TGFBR3: variants seen among roughly 807,000 people sequenced by gnomAD.
TGFBR3 encodes transforming growth factor beta receptor 3.
A neutral mutation model predicts 87.9 loss-of-function variants in TGFBR3; 46 were observed. The observed-to-expected ratio is 0.52, with a 90% CI of 0.41 to 0.67. The LOEUF (loss-of-function observed/expected upper bound fraction) is 0.67. Among genes scored for constraint, TGFBR3 ranks in the 30% least tolerant of loss-of-function variants. The pLI, the probability that TGFBR3 is intolerant of heterozygous loss-of-function variation, is 0.00. For missense variants in TGFBR3, 866 were observed against 1,041.9 expected, an observed-to-expected ratio of 0.83 and a Z score of 2.32; for synonymous variants, 381 against 391.6, an observed-to-expected ratio of 0.97 and a Z score of 0.32.
At chr1:91,697,921 A>G (rs7548904) in intron 15 of TGFBR3, among the ~76,000 whole-genome samples, 168 bp downstream of exon 15, 7,479 of 152,214 alleles carry the variant, frequency 0.049, 607 homozygotes, top group African/African-American at 0.17. Context: ...AACAAAGGAC[A>G]GAGGAAAGGA....
intron 1 of TGFBR3, among the ~76,000 whole-genome samples, chr1:91,873,836 G>C (rs1482052939): frequency 6.6e-6 from 1 of 152,096 alleles, no homozygotes; most frequent in African/African-American, 2.4e-5. Context: ...TGTAATCCCA[G>C]CTACTTGGGA....
chr1:91,855,895 T>C (rs1411312400), intron 2 of TGFBR3, among the ~76,000 whole-genome samples: 3 of 151,908 alleles, frequency 2.0e-5, no homozygotes, highest in Admixed American at 6.6e-5. Flanking sequence ...AAATCTCTTG[T>C]ATTTATTCTC....
At chr1:91,878,623 G>A (rs540387139) in intron 1 of TGFBR3, among the ~76,000 whole-genome samples, 3 of 152,124 alleles carry the variant, frequency 2.0e-5, no homozygotes, top group Non-Finnish European at 4.4e-5. Flanking sequence ...GCAGACCTTC[G>A]CCCAAGGCAA....
chr1:91,840,149 T>TA (rs779696669), intron 2 of TGFBR3, among the ~76,000 whole-genome samples: 134 of 140,072 alleles, frequency 9.6e-4, no homozygotes, highest in East Asian at 1.2e-3. Context: ...ATCTCTACTT[T>TA]AAAAAAAAAA....
chr1:91,866,657 G>C (rs145584482), intron 1 of TGFBR3: 4 of 152,038 alleles, frequency 2.6e-5, no homozygotes, highest in African/African-American at 9.7e-5. Flanking sequence ...CATGTTTTTT[G>C]CCCTTGTGGG....
At chr1:91,697,137 G>A (rs911173637) in intron 15 of TGFBR3, among the ~76,000 whole-genome samples, 4 of 152,180 alleles carry the variant, frequency 2.6e-5, no homozygotes, top group African/African-American at 9.7e-5. Context: ...GATATTAGAA[G>A]ATGATTTGCC....
Position 91,683,767 on chromosome 1 carries a change from G to T in TGFBR3, c.2528C>A (p.Thr843Lys). The change falls in exon 17 of 17, where the codon ACG (threonine) becomes AAG (lysine). Residue 843 changes from threonine to lysine, a missense_variant. Thr to Lys is a moderately conservative substitution (Grantham distance 78, BLOSUM62 -1). Coordinates refer to ENST00000212355, the MANE Select transcript of TGFBR3 (RefSeq NM_003243.5). ...GGCCGTGCTGCTGCTGGAGCAAGGC[G>T]TGCTCTGCGTGCTGCCGATGCTGTG... ...AAHSIGSTQS[T>K]PCSSSSTA 3.1e-6 allele frequency: 5 copies of T among 1,597,198 alleles called. No individual in the cohort carries two copies. The highest frequency in any genetic ancestry group is 4.3e-6 in the Non-Finnish European group (5 of 1,174,412).
intron 2 of TGFBR3, among the ~76,000 whole-genome samples, chr1:91,838,785 G>C (rs2101108959): frequency 1.3e-5 from 2 of 152,164 alleles, no homozygotes; most frequent in South Asian, 4.1e-4. Context: ...CTCTTTTCTT[G>C]TTAAATTTCA....
At chr1:91,730,298 A>C (rs1238227042) in intron 5 of TGFBR3, among the ~76,000 whole-genome samples, 1 of 152,140 alleles carries the variant, frequency 6.6e-6, no homozygotes, top group Non-Finnish European at 1.5e-5. Context: ...TCCTCTGCTC[A>C]GAATCTGTAT....
At chr1:91,787,535 A>G (rs1356543701) in intron 3 of TGFBR3, among the ~76,000 whole-genome samples, 3 of 152,202 alleles carry the variant, frequency 2.0e-5, no homozygotes, top group African/African-American at 7.2e-5. Context: ...TGCTTCAGCC[A>G]TCTGACTGTA....
At chr1:91,779,607 C>T (rs1168255425) in intron 3 of TGFBR3, among the ~76,000 whole-genome samples, 1 of 152,196 alleles carries the variant, frequency 6.6e-6, no homozygotes, top group Non-Finnish European at 1.5e-5. Flanking sequence ...GATATGACAT[C>T]TGAGCAAACA....
intron 2 of TGFBR3, among the ~76,000 whole-genome samples, chr1:91,858,610 C>CAAAAAAAAAAAA (rs58608714): frequency 1.3e-5 from 1 of 78,318 alleles, no homozygotes; most frequent in Non-Finnish European, 2.3e-5. Context: ...GACTCTGTCT[C>CAAAAAAAAAAAA]AAAAAAAAAA....
intron 2 of TGFBR3, among the ~76,000 whole-genome samples, chr1:91,839,237 G>A (rs1416410582): frequency 1.3e-5 from 2 of 152,082 alleles, no homozygotes; most frequent in Non-Finnish European, 2.9e-5. Context: ...CTCACCCCGT[G>A]AAAGTACTGG....
At chr1:91,755,935 T>C (rs368323430) in intron 4 of TGFBR3, among the ~76,000 whole-genome samples, 3 of 152,172 alleles carry the variant, frequency 2.0e-5, no homozygotes, top group African/African-American at 4.8e-5. Context: ...ACATGCTCTT[T>C]ACTGTGACTA....
intron 3 of TGFBR3, among the ~76,000 whole-genome samples, chr1:91,761,072 G>T (rs1673943720): frequency 6.6e-6 from 1 of 152,170 alleles, no homozygotes; most frequent in African/African-American, 2.4e-5. Context: ...ATCTGCAGGG[G>T]CTGCATCAAC....
intron 4 of TGFBR3, among the ~76,000 whole-genome samples, chr1:91,741,506 T>C (rs1673157954): frequency 6.6e-6 from 1 of 152,102 alleles, no homozygotes; most frequent in Non-Finnish European, 1.5e-5. Flanking sequence ...AAACCATTGG[T>C]CATGTATGAT....
At chr1:91,860,170 T>C (rs1678125815) in intron 2 of TGFBR3, among the ~76,000 whole-genome samples, 1 of 152,206 alleles carries the variant, frequency 6.6e-6, no homozygotes, top group Non-Finnish European at 1.5e-5. Context: ...TCTCTCCATA[T>C]CTCATTTCAT....
chr1:91,808,966 T>C (rs1225193061), intron 2 of TGFBR3, among the ~76,000 whole-genome samples: 1 of 152,186 alleles, frequency 6.6e-6, no homozygotes, highest in Non-Finnish European at 1.5e-5. Context: ...AGATCTTTTT[T>C]CTCCTACCCT....
intron 1 of TGFBR3, among the ~76,000 whole-genome samples, chr1:91,883,920 G>T (rs538826229): frequency 2.0e-5 from 3 of 152,300 alleles, no homozygotes; most frequent in African/African-American, 7.2e-5. Context: ...CCTTAAGGGG[G>T]TAAGAATTAT....
Sources: allele counts gnomAD v4.1 joint callset (sites outside exome capture counted in the v4.1 genomes callset), GRCh38; gene constraint gnomAD v4.1.1; transcripts MANE v1.5; gene names NCBI Gene and HGNC (gene_info 2026-07-23, HGNC 2026-07-21).